CPXM2: variants seen among roughly 807,000 people sequenced by gnomAD.
CPXM2 encodes inactive carboxypeptidase-like protein X2.
A neutral mutation model predicts 86.1 loss-of-function variants in CPXM2; 66 were observed. That is an observed-to-expected ratio of 0.77 (90% CI 0.63 to 0.94). The LOEUF (loss-of-function observed/expected upper bound fraction) is 0.94. Among genes scored for constraint, CPXM2 ranks in the 40% least tolerant of loss-of-function variants. CPXM2 has a pLI of 0.00. For synonymous variants in CPXM2, 388 were observed against 400.2 expected, an observed-to-expected ratio of 0.97 and a Z score of 0.36; for missense variants, 948 against 1,026.3, an observed-to-expected ratio of 0.92 and a Z score of 1.04.
chr10:123,914,971 T>C (rs1328315804), intron 2 of CPXM2, among the ~76,000 whole-genome samples: 1 of 152,186 alleles, frequency 6.6e-6, no homozygotes, highest in Non-Finnish European at 1.5e-5. Context: ...AACCCTTTCA[T>C]TGATTCTTCC....
At chr10:123,781,405 C>A (rs978170395) in intron 6 of CPXM2, among the ~76,000 whole-genome samples, 43 of 152,204 alleles carry the variant, frequency 2.8e-4, no homozygotes, top group African/African-American at 9.9e-4. Context: ...AGGAGGGCAA[C>A]TGGGAAGAGA....
At chr10:123,898,340 A>G (rs1945354636) in intron 2 of CPXM2, among the ~76,000 whole-genome samples, 1 of 152,156 alleles carries the variant, frequency 6.6e-6, no homozygotes, top group Admixed American at 6.6e-5. Flanking sequence ...TGTAGTCCCA[A>G]CTACTTGAGA....
At chr10:123,757,105 A>G in intron 12 of CPXM2, 108 bp downstream of exon 12, 1 of 1,030,872 alleles carries the variant, frequency 9.7e-7, no homozygotes, top group Non-Finnish European at 1.5e-6. Flanking sequence ...CTGGCCCAGG[A>G]TGACGGCCAA....
At chr10:123,888,191 A>G (rs1945211109) in intron 1 of CPXM2, among the ~76,000 whole-genome samples, 1 of 152,218 alleles carries the variant, frequency 6.6e-6, no homozygotes, top group African/African-American at 2.4e-5. Context: ...AGGGCCTACC[A>G]CATAGAAAAT....
At chr10:123,854,345 T>TATATATATATATAAAAATATATATATATA (rs1324226753) in intron 3 of CPXM2, among the ~76,000 whole-genome samples, 2 of 123,820 alleles carry the variant, frequency 1.6e-5, no homozygotes, top group Non-Finnish European at 3.2e-5. Flanking sequence ...TGAACAAATA[T>TATATATATATATAAAAATATATATATATA]ATATATATAT....
chr10:123,830,717 G>A (rs1333244577), intron 4 of CPXM2, among the ~76,000 whole-genome samples: 2 of 152,114 alleles, frequency 1.3e-5, no homozygotes, highest in African/African-American at 2.4e-5. Flanking sequence ...CTTTGGGCAG[G>A]ACTGCTGATT....
At chr10:123,903,302 C>G (rs1009107) in intron 2 of CPXM2, among the ~76,000 whole-genome samples, 3,294 of 152,336 alleles carry the variant, frequency 0.022, 53 homozygotes, top group Middle Eastern at 0.065. Flanking sequence ...GCAGAAGGTG[C>G]TCAGTAAATG....
intron 11 of CPXM2, among the ~76,000 whole-genome samples, chr10:123,760,432 T>G (rs566171721): frequency 2.0e-5 from 3 of 152,158 alleles, no homozygotes; most frequent in Non-Finnish European, 4.4e-5. Context: ...ATGCCTCCGC[T>G]TGGTCTGTAA....
At chr10:123,790,373 G>GTTTACCGAA (rs1847178993) in intron 6 of CPXM2, among the ~76,000 whole-genome samples, 1 of 151,890 alleles carries the variant, frequency 6.6e-6, no homozygotes, top group African/African-American at 2.4e-5. Context: ...TGGAGCAGGT[G>GTTTACCGAA]ACTAGGAGTG....
At chr10:123,784,466 C>T (rs911726745) in intron 6 of CPXM2, among the ~76,000 whole-genome samples, 2 of 152,184 alleles carry the variant, frequency 1.3e-5, no homozygotes, top group African/African-American at 4.8e-5. Flanking sequence ...GCCTCCTCAC[C>T]CCTGAGTCCT....
intron 4 of CPXM2, among the ~76,000 whole-genome samples, chr10:123,826,650 A>C (rs1337489671): frequency 6.6e-6 from 1 of 152,082 alleles, no homozygotes; most frequent in Non-Finnish European, 1.5e-5. Context: ...AAAATTAGAG[A>C]GAGGCCTTCT....
chr10:123,826,157 T>C (rs1848041609), intron 4 of CPXM2, among the ~76,000 whole-genome samples: 1 of 152,220 alleles, frequency 6.6e-6, no homozygotes, highest in Non-Finnish European at 1.5e-5. Flanking sequence ...CTGAAGCACA[T>C]GAAATCAAGT....
At chr10:123,943,824 CCTGGT>C (rs1341552624), upstream of CPXM2, among the ~76,000 whole-genome samples, 2 of 152,174 alleles carry the variant, frequency 1.3e-5, no homozygotes, top group African/African-American at 2.4e-5. Flanking sequence ...ACACCACTGT[CCTGGT>C]CCTCTTCCCA....
intron 2 of CPXM2, among the ~76,000 whole-genome samples, chr10:123,910,311 C>A (rs1019407587): frequency 1.3e-5 from 2 of 152,146 alleles, no homozygotes; most frequent in Non-Finnish European, 2.9e-5. Flanking sequence ...CAGTTCTGTG[C>A]ATTTGCGGCC....
chr10:123,772,143 C>T (rs1173797752), intron 7 of CPXM2, among the ~76,000 whole-genome samples: 2 of 152,142 alleles, frequency 1.3e-5, no homozygotes, highest in African/African-American at 4.8e-5. Context: ...GTGGTTATTA[C>T]CTCTTTGGTT....
chr10:123,760,903 T>G (rs1846318519), intron 11 of CPXM2, among the ~76,000 whole-genome samples: 1 of 151,778 alleles, frequency 6.6e-6, no homozygotes, highest in African/African-American at 2.4e-5. Context: ...AGAGTGGGAT[T>G]TGAACCCCCA....
At chr10:123,840,489 T>G (rs926149854) in intron 4 of CPXM2, among the ~76,000 whole-genome samples, 1 of 152,214 alleles carries the variant, frequency 6.6e-6, no homozygotes, top group Admixed American at 6.5e-5. Flanking sequence ...CACAATATGA[T>G]ATATGATAAT....
rs371308580 is a variant in CPXM2 at position 123,904,472 on chromosome 10, G to A, written n.175-24163C>T. ...ATCGTTCCCACCTCACCGACCAGTT[G>A]TGGGGAGTAAACAGGTTAACACATG... On this transcript the variant is annotated intron_variant and non_coding_transcript_variant, in intron 2 of 19. Transcript: ENST00000368854. Among the ~76,000 whole-genome samples the A allele has an allele frequency of 1.2e-4, 19 of 152,330 alleles. No individual in the cohort carries two copies. In the East Asian group the frequency reaches 3.5e-3, roughly 28 times the overall value.
intron 2 of CPXM2, among the ~76,000 whole-genome samples, chr10:123,864,668 C>T (rs1038551243): frequency 3.3e-5 from 5 of 152,254 alleles, no homozygotes; most frequent in South Asian, 2.1e-4. Context: ...AAGTGAGAGA[C>T]GGACAGATGG....
Sources: gnomAD v4.1 joint callset for allele counts (sites outside exome capture counted in the v4.1 genomes callset) on GRCh38, gnomAD v4.1.1 for gene constraint, MANE v1.5 for transcripts, NCBI Gene and HGNC (gene_info 2026-07-23, HGNC 2026-07-21) for gene names.